Variants in SGCD observed in about 807,000 individuals in gnomAD.
SGCD encodes the protein sarcoglycan delta.
In SGCD, 18 loss-of-function variants were observed where a neutral mutation model predicts 36.6. The ratio of observed to expected loss-of-function variants is 0.49; its 90% CI spans 0.34 to 0.73. The LOEUF is 0.73. SGCD is among the 30% of genes least tolerant of loss of function. SGCD has a pLI of 0.01. For missense variants in SGCD, 387 were observed against 346.7 expected (o/e 1.12, Z -0.92); for synonymous variants, 133 against 130.6 (o/e 1.02, Z -0.12).
intron 2 of SGCD, among the ~76,000 whole-genome samples, chr5:156,119,296 C>G (rs1257576664): frequency 6.6e-6 from 1 of 152,118 alleles, no homozygotes; most frequent in African/African-American, 2.4e-5. Context: ...TGGTGATTTT[C>G]AGCATGTTTG....
intron 3 of SGCD, among the ~76,000 whole-genome samples, chr5:156,291,634 T>C (rs1404270402): frequency 6.6e-6 from 1 of 152,124 alleles, no homozygotes; most frequent in Admixed American, 6.6e-5. Context: ...AACCTTTTTT[T>C]TCCTACTCTC....
intron 6 of SGCD, among the ~76,000 whole-genome samples, chr5:156,626,695 A>G (rs1178406382): frequency 1.3e-5 from 2 of 152,184 alleles, no homozygotes; most frequent in Non-Finnish European, 2.9e-5. Context: ...ATTTATGACA[A>G]TGCTGACATT....
At chr5:156,280,753 G>T (rs989916881) in intron 3 of SGCD, among the ~76,000 whole-genome samples, 1 of 152,222 alleles carries the variant, frequency 6.6e-6, no homozygotes, top group Non-Finnish European at 1.5e-5. Flanking sequence ...GAGGGGGAAA[G>T]TTTCAGTGTT....
intron 1 of SGCD, among the ~76,000 whole-genome samples, chr5:155,993,669 C>T (rs1758481382): frequency 6.6e-6 from 1 of 152,014 alleles, no homozygotes; most frequent in African/African-American, 2.4e-5. Flanking sequence ...TTGAACAATC[C>T]AAATGAGTCT....
chr5:156,459,056 C>T (rs924114238), intron 3 of SGCD, among the ~76,000 whole-genome samples: 2 of 152,088 alleles, frequency 1.3e-5, no homozygotes, highest in African/African-American at 4.8e-5. Context: ...AGTGCAGGAT[C>T]TCTTGATTAG....
intron 3 of SGCD, among the ~76,000 whole-genome samples, chr5:156,137,409 G>C (rs1157550038): frequency 6.6e-6 from 1 of 152,176 alleles, no homozygotes; most frequent in Admixed American, 6.5e-5. Context: ...TGGAGAACAT[G>C]TAGAAAAATA....
chr5:156,483,778 A>T (rs1755542099), intron 3 of SGCD, among the ~76,000 whole-genome samples: 1 of 152,236 alleles, frequency 6.6e-6, no homozygotes, highest in African/African-American at 2.4e-5. Flanking sequence ...TCACTTCTCT[A>T]TGTGGCATTG....
chr5:156,410,752 G>T (rs138092956), intron 3 of SGCD, among the ~76,000 whole-genome samples: 2 of 152,204 alleles, frequency 1.3e-5, no homozygotes, highest in African/African-American at 4.8e-5. Context: ...GCTTCCAGCT[G>T]CCCTTGCTGT....
chr5:156,350,477 A>G (rs1462920599), intron 3 of SGCD, among the ~76,000 whole-genome samples: 2 of 151,886 alleles, frequency 1.3e-5, no homozygotes, highest in Non-Finnish European at 2.9e-5. Flanking sequence ...TTTTTTTGTC[A>G]GTCTTGCATT....
chr5:155,843,315 G>A, the SGCD span, among the ~76,000 whole-genome samples: 1 of 152,012 alleles, frequency 6.6e-6, no homozygotes, highest in Non-Finnish European at 1.5e-5. Context: ...CCTTGATTGA[G>A]CACTAGATAA....
intron 6 of SGCD, among the ~76,000 whole-genome samples, chr5:156,638,905 C>A (rs1762927960): frequency 6.6e-6 from 1 of 152,042 alleles, no homozygotes; most frequent in African/African-American, 2.4e-5. Context: ...ATTGCCAGTT[C>A]AGTTAAATTG....
chr5:156,554,081 T>C (rs754343413), intron 4 of SGCD, among the ~76,000 whole-genome samples: 12 of 152,094 alleles, frequency 7.9e-5, no homozygotes, highest in Non-Finnish European at 1.5e-4. Context: ...TGAGACCAGG[T>C]GCAGTGGCTC....
intron 2 of SGCD, among the ~76,000 whole-genome samples, chr5:156,340,930 A>T (rs1310872338): frequency 6.6e-6 from 1 of 152,216 alleles, no homozygotes. Flanking sequence ...TAACAGATGT[A>T]TCCATTACCA....
intron 4 of SGCD, among the ~76,000 whole-genome samples, chr5:156,570,760 G>C (rs896311445): frequency 6.6e-6 from 1 of 152,076 alleles, no homozygotes; most frequent in Non-Finnish European, 1.5e-5. Context: ...CCTATTAATA[G>C]TATCCATGAG....
Position 155,874,631 on chromosome 5 carries a change from T to C in SGCD, c.-282+4207T>C, listed in dbSNP as rs112415866. On this transcript the variant is annotated intron_variant, in intron 1 of 9. Coordinates refer to the SGCD transcript ENST00000517913. ...TTTACAGACATTTCACCTAGGAACA[T>C]GAACGTGAATGGAAAATGAGAAAAG... 4.7e-3 allele frequency among the ~76,000 whole-genome samples: 711 copies of C among 152,198 alleles called. 2 individuals are homozygous for C. Among genetic ancestry groups the C allele is most frequent in the Non-Finnish European group, 6.4e-3 (434 of 67,974 alleles).
In SGCD at chr5:156,216,818, C is replaced by A. The variant is rs1212621624; in HGVS notation, c.-44+92799C>A. 3.9e-5 allele frequency among the ~76,000 whole-genome samples: 6 copies of A among 152,186 alleles called. 1 individual carries two copies. In the East Asian group the frequency reaches 1.2e-3, roughly 29 times the overall value. Reference sequence around the variant, plus strand: ...ATGTGGCCGGGCGTGGTGGCTCACGCCTGTCATCCCAGCACTTAGAGAGGC... The same window carrying A: ...ATGTGGCCGGGCGTGGTGGCTCACGACTGTCATCCCAGCACTTAGAGAGGC... On this transcript the variant is annotated intron_variant, in intron 3 of 9. Coordinates refer to the SGCD transcript ENST00000517913.
At chr5:156,463,356 T>A (rs558248885) in intron 3 of SGCD, among the ~76,000 whole-genome samples, 129 of 152,282 alleles carry the variant, frequency 8.5e-4, no homozygotes, top group African/African-American at 2.9e-3. Context: ...TGGCAGTTTT[T>A]AAAAAGGTGT....
the SGCD span, among the ~76,000 whole-genome samples, chr5:155,855,727 C>T: frequency 3.9e-5 from 6 of 152,054 alleles, no homozygotes; most frequent in South Asian, 2.1e-4. Flanking sequence ...AGTGAATTTC[C>T]GGGTTGAGAT....
chr5:155,820,113 G>C, the SGCD span, among the ~76,000 whole-genome samples: 28 of 152,252 alleles, frequency 1.8e-4, 2 homozygotes, highest in South Asian at 5.4e-3. Flanking sequence ...GGGTTTTCTA[G>C]TCCTTGGGTC....
Sources: gnomAD v4.1 joint callset for allele counts (sites outside exome capture counted in the v4.1 genomes callset) on GRCh38, gnomAD v4.1.1 for gene constraint, MANE v1.5 for transcripts, NCBI Gene and HGNC (gene_info 2026-07-23, HGNC 2026-07-21) for gene names.